PDE1C: variants seen among roughly 807,000 people sequenced by gnomAD.
PDE1C encodes the protein dual specificity calcium/calmodulin-dependent 3',5'-cyclic nucleotide phosphodiesterase 1C.
A neutral mutation model predicts 93.1 loss-of-function variants in PDE1C; 62 were observed. That is an observed-to-expected ratio of 0.67 (90% confidence interval 0.54 to 0.82). The LOEUF is 0.82. Among genes scored for constraint, PDE1C ranks in the 40% least tolerant of loss-of-function variants. The pLI is 0.00. For missense variants in PDE1C, 742 were observed against 884.6 expected, an observed-to-expected ratio of 0.84 and a Z score of 2.04; for synonymous variants, 325 against 310.1, an observed-to-expected ratio of 1.05 and a Z score of -0.50.
At chr7:31,675,340 T>C in the PDE1C span, among the ~76,000 whole-genome samples, 1 of 152,176 alleles carries the variant, frequency 6.6e-6, no homozygotes. Context: ...GAGTCACTTC[T>C]GGAGGCTCAA....
exon 1 of PDE1C, chr7:32,299,112 C>T (rs1812811910): frequency 1.9e-6 from 2 of 1,049,928 alleles, no homozygotes; most frequent in Non-Finnish European, 1.1e-6. Context: ...GGATCCCGCG[C>T]GCCACAGGAA....
chr7:31,698,223 A>G, the PDE1C span, among the ~76,000 whole-genome samples: 2 of 152,312 alleles, frequency 1.3e-5, no homozygotes, highest in South Asian at 4.1e-4. Context: ...AATTGAAAAA[A>G]CAGCTCAGAA....
At chr7:32,240,141 A>T (rs966539978) in intron 1 of PDE1C, among the ~76,000 whole-genome samples, 5 of 152,244 alleles carry the variant, frequency 3.3e-5, no homozygotes, top group African/African-American at 1.2e-4. Context: ...AAGCTAGCCC[A>T]TTCTGAGAGT....
intron 1 of PDE1C, among the ~76,000 whole-genome samples, chr7:32,255,915 A>G (rs1809760041): frequency 6.6e-6 from 1 of 152,186 alleles, no homozygotes; most frequent in Non-Finnish European, 1.5e-5. Flanking sequence ...AAGAGGACAC[A>G]TCGAATGTCT....
chr7:31,697,611 A>T, the PDE1C span, among the ~76,000 whole-genome samples: 3 of 152,108 alleles, frequency 2.0e-5, no homozygotes, highest in Admixed American at 6.5e-5. Flanking sequence ...TCTGTAAAGG[A>T]GCTGCTCTGT....
intron 1 of PDE1C, among the ~76,000 whole-genome samples, chr7:32,360,809 C>T (rs1784123353): frequency 6.6e-6 from 1 of 152,196 alleles, no homozygotes; most frequent in Admixed American, 6.5e-5. Context: ...TAAAATTTCC[C>T]TGTCTAAACT....
chr7:31,973,045 C>A (rs1389025556), intron 2 of PDE1C, among the ~76,000 whole-genome samples: 6 of 152,080 alleles, frequency 3.9e-5, no homozygotes, highest in African/African-American at 1.4e-4. Context: ...TCATCCTCTA[C>A]CCAGTGGTAC....
At chr7:31,670,897 G>T in the PDE1C span, among the ~76,000 whole-genome samples, 8 of 152,136 alleles carry the variant, frequency 5.3e-5, no homozygotes, top group Admixed American at 2.0e-4. Flanking sequence ...GGAGACTATG[G>T]TTGAATGTCA....
At chr7:32,364,769 G>A (rs537868244) in intron 1 of PDE1C, among the ~76,000 whole-genome samples, 4 of 152,306 alleles carry the variant, frequency 2.6e-5, no homozygotes, top group South Asian at 4.1e-4. Flanking sequence ...GCCAGTAGCC[G>A]CTGCACCTCT....
chr7:32,307,984 G>T (rs1221416642), intron 1 of PDE1C, among the ~76,000 whole-genome samples: 1 of 152,210 alleles, frequency 6.6e-6, no homozygotes, highest in African/African-American at 2.4e-5. Flanking sequence ...CCTAGTCAAA[G>T]AATGGGGTGA....
chr7:32,325,153 C>T (rs1036068611), intron 1 of PDE1C, among the ~76,000 whole-genome samples: 4 of 152,202 alleles, frequency 2.6e-5, no homozygotes, highest in Non-Finnish European at 4.4e-5. Flanking sequence ...TTATTTGACT[C>T]AACTGTGACC....
At position 32,274,086 on chromosome 7, in the gene PDE1C, G is replaced by C. The variant is rs539601557; in HGVS notation, c.85+24565C>G. Among the ~76,000 whole-genome samples the C allele has an allele frequency of 4.6e-5, 7 of 151,896 alleles. No individual in the cohort carries two copies. The South Asian group carries it at 6.2e-4, about 14-fold the overall frequency. On this transcript the variant is annotated intron_variant, in intron 1 of 18. Transcript: ENST00000396193. Reference sequence around the variant, plus strand: ...CTTAAGAGAGTTCTAGAACTAGAAGGGGTCTTAGAAACATCTAGTATAACC... The same window carrying C: ...CTTAAGAGAGTTCTAGAACTAGAAGCGGTCTTAGAAACATCTAGTATAACC...
intron 17 of PDE1C, among the ~76,000 whole-genome samples, chr7:31,754,981 C>G (rs1409063600): frequency 6.6e-6 from 1 of 152,200 alleles, no homozygotes; most frequent in African/African-American, 2.4e-5. Context: ...TAGGAAACAA[C>G]CTCACTGAAG....
chr7:32,382,837 C>T (rs1395241145), intron 1 of PDE1C, among the ~76,000 whole-genome samples: 1 of 152,190 alleles, frequency 6.6e-6, no homozygotes, highest in African/African-American at 2.4e-5. Flanking sequence ...ACTCCGACAC[C>T]CGTGTCGTCT....
intron 17 of PDE1C, among the ~76,000 whole-genome samples, chr7:31,770,890 T>A (rs1437354060): frequency 6.6e-6 from 1 of 152,242 alleles, no homozygotes; most frequent in African/African-American, 2.4e-5. Flanking sequence ...TTCAGGACTA[T>A]CCTCCAACAT....
chr7:32,244,464 C>T (rs986306561), intron 1 of PDE1C, among the ~76,000 whole-genome samples: 6 of 152,280 alleles, frequency 3.9e-5, no homozygotes, highest in East Asian at 3.9e-4. Context: ...TAAGAAGAGG[C>T]GTCTGTGAGT....
chr7:31,864,507 A>G (rs1795046176), intron 7 of PDE1C, among the ~76,000 whole-genome samples: 1 of 152,234 alleles, frequency 6.6e-6, no homozygotes, highest in Admixed American at 6.5e-5. Context: ...GTGAATAACT[A>G]TAGTCCCTGT....
At chr7:31,975,100 A>G (rs1811480566) in intron 2 of PDE1C, among the ~76,000 whole-genome samples, 1 of 152,188 alleles carries the variant, frequency 6.6e-6, no homozygotes, top group African/African-American at 2.4e-5. Flanking sequence ...AGCAACCAGC[A>G]GTTTTCAGAA....
chr7:31,965,794 G>A (rs1809840045), intron 2 of PDE1C, among the ~76,000 whole-genome samples: 1 of 152,222 alleles, frequency 6.6e-6, no homozygotes, highest in African/African-American at 2.4e-5. Context: ...AGAGAGTGGG[G>A]GCAAATATGC....
Sources: allele counts gnomAD v4.1 joint callset (sites outside exome capture counted in the v4.1 genomes callset), GRCh38; gene constraint gnomAD v4.1.1; transcripts MANE v1.5; gene names NCBI Gene and HGNC (gene_info 2026-07-23, HGNC 2026-07-21).